The following DYNC1LI1 variants were observed in gnomAD, a reference collection of about 807,000 sequenced individuals.
DYNC1LI1 encodes the protein cytoplasmic dynein 1 light intermediate chain 1.
In DYNC1LI1, 19 loss-of-function variants were observed where a neutral mutation model predicts 63.8. That is an observed-to-expected ratio of 0.30 (90% CI 0.21 to 0.44). The LOEUF (loss-of-function observed/expected upper bound fraction) is 0.44. Ranked by LOEUF, DYNC1LI1 falls within the 20% of genes least tolerant of loss-of-function variation. DYNC1LI1 has a pLI of 1.00. For synonymous variants in DYNC1LI1, 225 were observed against 232.3 expected (o/e 0.97, Z 0.28); for missense variants, 565 against 630.2 (o/e 0.90, Z 1.11).
intron 2 of DYNC1LI1, among the ~76,000 whole-genome samples, chr3:32,567,290 G>A (rs1334325139): frequency 1.3e-5 from 2 of 152,116 alleles, no homozygotes; most frequent in African/African-American, 4.8e-5. Flanking sequence ...GGAGGAGAGA[G>A]GAGGTGAAAT....
In DYNC1LI1 at chr3:32,529,598, A is replaced by G; in HGVS notation, c.1248T>C (p.Asn416=). The change falls in exon 11 of 13, where the codon AAT becomes AAC. Residue 416 remains asparagine, a synonymous_variant. Coordinates refer to ENST00000273130, the MANE Select transcript of DYNC1LI1 (RefSeq NM_016141.4). The part of the protein sequence containing the change: ...PRTPNRSVSS[N]VASVSPIPAG... ...CAGGAATGGGTGACACGCTGGCAAC[A>G]TTAGATGATACAGATCTATTTGGTG... The G allele has an allele frequency of 6.2e-7, 1 of 1,610,724 alleles. No homozygotes were observed. Among genetic ancestry groups the G allele is most frequent in the Non-Finnish European group, 8.5e-7 (1 of 1,178,788 alleles).
chr3:32,553,885 T>C (rs1332810144), intron 2 of DYNC1LI1, among the ~76,000 whole-genome samples: 2 of 152,224 alleles, frequency 1.3e-5, no homozygotes, highest in African/African-American at 4.8e-5. Flanking sequence ...TACTCAACAG[T>C]GCTGGTGTCT....
chr3:32,534,379 C>A, intron 7 of DYNC1LI1, 132 bp downstream of exon 7: 1 of 674,758 alleles, frequency 1.5e-6, no homozygotes, highest in Non-Finnish European at 2.5e-6. Context: ...AAAAAACAAT[C>A]TAGGAACAGA....
At chr3:32,536,573 ATAGGCAGAGCC>A (rs1388506883) in intron 6 of DYNC1LI1, among the ~76,000 whole-genome samples, 1 of 152,190 alleles carries the variant, frequency 6.6e-6, no homozygotes, top group Non-Finnish European at 1.5e-5. Flanking sequence ...ATATGTCTAG[ATAGGCAGAGCC>A]AGATTTTGAA....
At chr3:32,564,981 G>T (rs1207730876) in intron 2 of DYNC1LI1, among the ~76,000 whole-genome samples, 1 of 152,154 alleles carries the variant, frequency 6.6e-6, no homozygotes, top group East Asian at 1.9e-4. Context: ...TATTCCTGAA[G>T]GGGGGGAAAA....
chr3:32,549,496 T>C (rs964553299), intron 2 of DYNC1LI1, among the ~76,000 whole-genome samples: 15 of 152,044 alleles, frequency 9.9e-5, no homozygotes, highest in Non-Finnish European at 1.5e-5. Context: ...TAAAATGATA[T>C]CAACTTGATT....
At chr3:32,559,477 G>A (rs62252801) in intron 2 of DYNC1LI1, among the ~76,000 whole-genome samples, 4 of 152,024 alleles carry the variant, frequency 2.6e-5, no homozygotes, top group African/African-American at 7.3e-5. Context: ...GAGTTAAAGC[G>A]ATCTGCCCAC....
At chr3:32,555,488 T>G (rs1193980555) in intron 2 of DYNC1LI1, among the ~76,000 whole-genome samples, 1 of 152,260 alleles carries the variant, frequency 6.6e-6, no homozygotes, top group Non-Finnish European at 1.5e-5. Context: ...GTTCTAGGGT[T>G]ATACACATCT....
rs1290184978 is a variant in DYNC1LI1 at position 32,570,780 on chromosome 3, G to A, written c.-10C>T. 1 of 1,599,836 alleles carries A rather than the reference G, an allele frequency of 6.3e-7. No homozygotes were observed. Among genetic ancestry groups the A allele is most frequent in the Admixed American group, 1.7e-5 (1 of 58,922 alleles). ...GCCCCACGGCCGCCATCTTGGTCGG[G>A]AATCACACCACTCCCGGCAAGACTA... On this transcript the variant is annotated 5_prime_UTR_variant, in exon 1 of 13. Coordinates refer to ENST00000273130, the MANE Select transcript of DYNC1LI1 (RefSeq NM_016141.4).
intron 2 of DYNC1LI1, among the ~76,000 whole-genome samples, chr3:32,553,679 T>C (rs1698074197): frequency 6.6e-6 from 1 of 152,194 alleles, no homozygotes; most frequent in Non-Finnish European, 1.5e-5. Flanking sequence ...CAGTGAACAC[T>C]TACAGAGTGC....
rs955287334 is a variant in DYNC1LI1 at position 32,568,911 on chromosome 3, A to AT, written c.220+1434dup. Among the ~76,000 whole-genome samples, 82 of 151,398 alleles carry AT rather than the reference A, an allele frequency of 5.4e-4. 2 individuals are homozygous for AT. Among genetic ancestry groups the AT allele is most frequent in the African/African-American group, 1.3e-3 (53 of 41,316 alleles). ...TAGTAAACTAAAAATATATTATACAATTTTTTTTTGCTTTTGGATCCTAAT... is the reference window on the plus strand; with the variant it reads ...TAGTAAACTAAAAATATATTATACAATTTTTTTTTTGCTTTTGGATCCTAAT... On this transcript the variant is annotated intron_variant, in intron 2 of 12. Coordinates refer to ENST00000273130, the MANE Select transcript of DYNC1LI1 (RefSeq NM_016141.4).
intron 2 of DYNC1LI1, among the ~76,000 whole-genome samples, chr3:32,555,602 A>T (rs930259204): frequency 2.0e-5 from 3 of 152,250 alleles, no homozygotes; most frequent in Admixed American, 2.0e-4. Flanking sequence ...CTCTATTAAC[A>T]CACCACTTAT....
chr3:32,534,420 T>C, intron 7 of DYNC1LI1, 91 bp downstream of exon 7: 1 of 919,826 alleles, frequency 1.1e-6, no homozygotes, highest in Admixed American at 2.5e-5. Context: ...ATGGAAGGTC[T>C]ATTGGTCCCA....
intron 2 of DYNC1LI1, among the ~76,000 whole-genome samples, chr3:32,551,795 T>C (rs1698046143): frequency 6.6e-6 from 1 of 152,160 alleles, no homozygotes; most frequent in Admixed American, 6.6e-5. Context: ...GCCTCTGAAG[T>C]GTTTGGTCCT....
intron 2 of DYNC1LI1, among the ~76,000 whole-genome samples, chr3:32,546,703 G>C (rs1190667397): frequency 1.3e-5 from 2 of 152,082 alleles, no homozygotes; most frequent in African/African-American, 2.4e-5. Context: ...CCAATCAAGG[G>C]GGAAGGATGG....
At chr3:32,563,448 C>T (rs1375265457) in intron 2 of DYNC1LI1, among the ~76,000 whole-genome samples, 3 of 152,126 alleles carry the variant, frequency 2.0e-5, no homozygotes, top group Admixed American at 2.0e-4. Context: ...CCCATCACCA[C>T]ACCTGGCTAA....
At chr3:32,569,485 T>C (rs1698311357) in intron 2 of DYNC1LI1, among the ~76,000 whole-genome samples, 2 of 152,212 alleles carry the variant, frequency 1.3e-5, no homozygotes, top group African/African-American at 2.4e-5. Flanking sequence ...AACTCTGGTA[T>C]TGAGCCGACA....
In DYNC1LI1 at chr3:32,528,506, T is replaced by G; in HGVS notation, c.1402A>C (p.Ser468Arg). Residue 468 changes from serine to arginine, a missense_variant, in exon 12 of 13, where the codon AGC becomes CGC. By Grantham distance (110) the Ser-to-Arg change is moderately radical. Coordinates refer to ENST00000273130, the MANE Select transcript of DYNC1LI1 (RefSeq NM_016141.4). The part of the protein sequence containing the change: ...SPGGPGVSGG[S>R]PAGGAGGGSS... The stretch of plus-strand genomic sequence containing the variant: ...CCACCTCCAGCCCCACCTGCAGGGC[T>G]ACCACCACTCACACCAGGGCCTCCT... The G allele has an allele frequency of 6.2e-7, 1 of 1,614,214 alleles. No individual in the cohort carries two copies.
intron 4 of DYNC1LI1, among the ~76,000 whole-genome samples, chr3:32,542,069 G>A (rs1307179857): frequency 6.6e-6 from 1 of 152,064 alleles, no homozygotes; most frequent in Admixed American, 6.6e-5. Flanking sequence ...GAAGGCCAAC[G>A]TATGATTCCA....
Sources: gnomAD v4.1 joint callset for allele counts (sites outside exome capture counted in the v4.1 genomes callset) on GRCh38, gnomAD v4.1.1 for gene constraint, MANE v1.5 for transcripts, NCBI Gene and HGNC (gene_info 2026-07-23, HGNC 2026-07-21) for gene names.